The following IGSF5 variants were observed in gnomAD, a reference collection of about 807,000 sequenced individuals.
The protein encoded by IGSF5 is immunoglobulin superfamily member 5.
A neutral mutation model predicts 39.4 loss-of-function variants in IGSF5; 41 were observed. The ratio of observed to expected loss-of-function variants is 1.04; its 90% CI spans 0.81 to 1.35. The LOEUF (loss-of-function observed/expected upper bound fraction) is 1.35, where lower values mean the gene tolerates loss of function less well. Ranked by LOEUF, IGSF5 falls within the 40% of genes most tolerant of loss-of-function variation. The probability of loss-of-function intolerance (pLI) is 0.00; values close to 1 mark genes in which losing one functional copy is unlikely to be tolerated. For missense variants in IGSF5, 487 were observed against 494.6 expected, an observed-to-expected ratio of 0.98 and a Z score of 0.15; for synonymous variants, 183 against 175.3, an observed-to-expected ratio of 1.04 and a Z score of -0.34.
chr21:39,739,762 C>T, the IGSF5 span, among the ~76,000 whole-genome samples: 1 of 152,010 alleles, frequency 6.6e-6, no homozygotes, highest in Non-Finnish European at 1.5e-5. Flanking sequence ...TCAGGGTGGT[C>T]CAGGGGTCCG....
the IGSF5 span, among the ~76,000 whole-genome samples, chr21:39,718,835 T>C: frequency 6.6e-6 from 1 of 152,266 alleles, no homozygotes; most frequent in Admixed American, 6.5e-5. Context: ...CTGTGCCAGA[T>C]TTTGGTATCA....
rs989475058 is a variant in IGSF5, at chr21:39,745,573, A to G, written c.17+47A>G. 3 of 715,298 alleles carry G rather than the reference A, an allele frequency of 4.2e-6. No individual in the cohort carries two copies. The African/African-American group carries it at 5.2e-5, about 12-fold the overall frequency. 44.3% of individuals were successfully genotyped at this position (715,298 alleles called of 1,614,324 possible). A position where few individuals can be genotyped will look rare whatever the true frequency, so the allele number is the denominator to read the frequency against. ...ACTGTTGAGTAGAGACTTCTGGCTG[A>G]GCCATGATCTCAATCAGCTACTGCT... On this transcript the variant is annotated intron_variant, in intron 1 of 8. Coordinates refer to ENST00000380588, the MANE Select transcript of IGSF5 (RefSeq NM_001080444.2).
At chr21:39,783,521 C>G (rs1426210572) in intron 5 of IGSF5, among the ~76,000 whole-genome samples, 1 of 152,144 alleles carries the variant, frequency 6.6e-6, no homozygotes, top group East Asian at 1.9e-4. Context: ...AAGAAGACAT[C>G]TAAATTGAGA....
At chr21:39,798,109 A>G (rs1326720961) in intron 8 of IGSF5, among the ~76,000 whole-genome samples, 1 of 152,132 alleles carries the variant, frequency 6.6e-6, no homozygotes, top group Admixed American at 6.5e-5. Context: ...CTTCACCTCT[A>G]GACATCAGGA....
At chr21:39,786,447 G>A (rs541337194) in intron 5 of IGSF5, among the ~76,000 whole-genome samples, 5,846 of 105,274 alleles carry the variant, frequency 0.056, 324 homozygotes, top group African/African-American at 0.18. Flanking sequence ...TCATTAAAAA[G>A]TCAGGAAACA....
chr21:39,795,220 A>G (rs1281748911), intron 8 of IGSF5, among the ~76,000 whole-genome samples: 1 of 152,094 alleles, frequency 6.6e-6, no homozygotes, highest in Non-Finnish European at 1.5e-5. Context: ...GATGCATTTA[A>G]TTTGGAGCTG....
In IGSF5 at chr21:39,779,145, T is replaced by C. The variant is rs2080156170; in HGVS notation, c.774T>C (p.Gly258=). 1 of 1,613,972 alleles carries C rather than the reference T, an allele frequency of 6.2e-7. No individual in the cohort carries two copies. The highest frequency in any genetic ancestry group is 8.5e-7 in the Non-Finnish European group (1 of 1,179,946). The change falls in exon 5 of 9, where the codon GGT becomes GGC. Residue 258 remains glycine, a synonymous_variant. Transcript: ENST00000380588. ...TATTATCAAGTTTACCGAGTTTAGGTTTTTCATTGCCTACTTGGGGCAAAG... is the reference window on the plus strand; with the variant it reads ...TATTATCAAGTTTACCGAGTTTAGGCTTTTCATTGCCTACTTGGGGCAAAG... ...PGVLSSLPSL[G]FSLPTWGKVG...
the IGSF5 span, among the ~76,000 whole-genome samples, chr21:39,732,050 G>A: frequency 6.6e-6 from 1 of 152,134 alleles, no homozygotes; most frequent in South Asian, 2.1e-4. Context: ...GTCAAAGAGA[G>A]TAAGACCCTC....
At chr21:39,750,912 G>A (rs758340841) in intron 2 of IGSF5, among the ~76,000 whole-genome samples, 11 of 152,218 alleles carry the variant, frequency 7.2e-5, no homozygotes, top group African/African-American at 1.2e-4. Context: ...GGACCAGGGC[G>A]GGAGCTGAGC....
the IGSF5 span, among the ~76,000 whole-genome samples, chr21:39,728,353 G>T: frequency 1.3e-5 from 2 of 152,126 alleles, no homozygotes; most frequent in Non-Finnish European, 2.9e-5. Flanking sequence ...CTGTGTGATG[G>T]TCAGACAGAG....
At chr21:39,765,252 T>C (rs1274698699) in intron 2 of IGSF5, among the ~76,000 whole-genome samples, 1 of 152,164 alleles carries the variant, frequency 6.6e-6, no homozygotes, top group Non-Finnish European at 1.5e-5. Flanking sequence ...TTTTCAAAGG[T>C]TCCATTCTGA....
chr21:39,714,328 T>C, the IGSF5 span, among the ~76,000 whole-genome samples: 11,135 of 152,302 alleles, frequency 0.073, 795 homozygotes, highest in East Asian at 0.23. Flanking sequence ...CTTGCTTCCC[T>C]TGCATCTACT....
intron 3 of IGSF5, among the ~76,000 whole-genome samples, chr21:39,769,210 T>C (rs2080101673): frequency 6.6e-6 from 1 of 152,190 alleles, no homozygotes; most frequent in African/African-American, 2.4e-5. Context: ...GAATGGTGGC[T>C]CATGCCTGTA....
chr21:39,771,968 G>T (rs2080117109), intron 4 of IGSF5, among the ~76,000 whole-genome samples: 1 of 152,182 alleles, frequency 6.6e-6, no homozygotes, highest in Non-Finnish European at 1.5e-5. Flanking sequence ...GCAGAGCTGG[G>T]CCTAGAAGCT....
the IGSF5 span, among the ~76,000 whole-genome samples, chr21:39,719,536 G>A: frequency 6.6e-6 from 1 of 151,966 alleles, no homozygotes; most frequent in Admixed American, 6.6e-5. Flanking sequence ...CTTTGCCAGC[G>A]TGGTGGCAGG....
chr21:39,750,633 G>T (rs937712711), intron 2 of IGSF5, among the ~76,000 whole-genome samples: 5 of 146,032 alleles, frequency 3.4e-5, no homozygotes, highest in African/African-American at 1.4e-4. Flanking sequence ...AGCACTTGAG[G>T]GTGGGGGGTT....
chr21:39,790,386 G>A (rs913407942), intron 6 of IGSF5, among the ~76,000 whole-genome samples: 10 of 152,284 alleles, frequency 6.6e-5, no homozygotes, highest in Admixed American at 1.3e-4. Flanking sequence ...CTGGCCAGGC[G>A]TGGTGGCTCA....
upstream of IGSF5, among the ~76,000 whole-genome samples, chr21:39,742,066 C>A (rs2079950894): frequency 6.6e-6 from 1 of 151,724 alleles, no homozygotes; most frequent in Admixed American, 6.6e-5. Context: ...GAGGTGGAAT[C>A]CTTTAGTTTA....
intron 2 of IGSF5, among the ~76,000 whole-genome samples, chr21:39,760,769 A>G (rs373182702): frequency 3.0e-4 from 45 of 152,182 alleles, no homozygotes; most frequent in African/African-American, 1.1e-3. Flanking sequence ...ACGGGGTTTC[A>G]CTATGTTGGC....
Sources: gnomAD v4.1 joint callset for allele counts (sites outside exome capture counted in the v4.1 genomes callset) on GRCh38, gnomAD v4.1.1 for gene constraint, MANE v1.5 for transcripts, NCBI Gene and HGNC (gene_info 2026-07-23, HGNC 2026-07-21) for gene names.